Variants in LPP observed in about 807,000 individuals in gnomAD.
LPP encodes LIM domain containing preferred translocation partner in lipoma, also known as lipoma-preferred partner.
LPP carries 38 observed loss-of-function variants against 60.4 expected under a neutral mutation model. That is an observed-to-expected ratio of 0.63 (90% CI 0.49 to 0.83). The LOEUF (loss-of-function observed/expected upper bound fraction) is 0.83. Among genes scored for constraint, LPP ranks in the 40% least tolerant of loss-of-function variants. The probability of loss-of-function intolerance (pLI) is 0.00; values close to 1 mark genes in which losing one functional copy is unlikely to be tolerated. For missense variants in LPP, 902 were observed against 783.6 expected, an observed-to-expected ratio of 1.15 and a Z score of -1.80; for synonymous variants, 328 against 290.8, an observed-to-expected ratio of 1.13 and a Z score of -1.30.
At chr3:188,322,694 T>C (rs1416627646) in intron 2 of LPP, among the ~76,000 whole-genome samples, 1 of 152,214 alleles carries the variant, frequency 6.6e-6, no homozygotes, top group Non-Finnish European at 1.5e-5. Flanking sequence ...GGGAAAAGTA[T>C]TGGCCTTGGA....
intron 1 of LPP, among the ~76,000 whole-genome samples, chr3:188,213,645 CT>C (rs1470095477): frequency 3.3e-5 from 5 of 152,020 alleles, no homozygotes; most frequent in Non-Finnish European, 5.9e-5. Flanking sequence ...AGGCTCTTTT[CT>C]TTTCTTTTTG....
At chr3:188,343,484 C>G (rs555488147) in intron 3 of LPP, among the ~76,000 whole-genome samples, 83 of 152,272 alleles carry the variant, frequency 5.5e-4, no homozygotes, top group Middle Eastern at 3.4e-3. Context: ...TTTTTGACAG[C>G]TCTGTGAGGC....
In LPP at chr3:188,803,801, T is replaced by G. The variant is rs3915011; in HGVS notation, c.1410+43519T>G. 5.1e-3 allele frequency among the ~76,000 whole-genome samples: 779 copies of G among 152,292 alleles called. 23 individuals are homozygous for G. In the South Asian group the frequency reaches 0.053, roughly 10 times the overall value. ...TTTGGCTGTTCTAGTTAGTTCACCT[T>G]TGCATATAAATTTTAAAATTCGTTT... On this transcript the variant is annotated intron_variant, in intron 9 of 11. Transcript: ENST00000617246.
intron 6 of LPP, among the ~76,000 whole-genome samples, chr3:188,608,870 T>G (rs1219799644): frequency 2.0e-5 from 3 of 152,196 alleles, no homozygotes; most frequent in African/African-American, 7.2e-5. Context: ...GTTTTCAGTA[T>G]ATAATCTTTC....
chr3:188,204,116 G>A (rs902306800), intron 1 of LPP, among the ~76,000 whole-genome samples: 1 of 152,162 alleles, frequency 6.6e-6, no homozygotes, highest in Non-Finnish European at 1.5e-5. Context: ...CTTCCCCACT[G>A]TGCAGTAAAG....
chr3:188,337,513 G>C (rs568903709), intron 2 of LPP, among the ~76,000 whole-genome samples: 15 of 152,298 alleles, frequency 9.8e-5, no homozygotes, highest in South Asian at 6.2e-4. Context: ...GATCCCAAGT[G>C]GGTGATGGGT....
intron 9 of LPP, among the ~76,000 whole-genome samples, chr3:188,771,035 C>A (rs1735778756): frequency 6.6e-6 from 1 of 152,124 alleles, no homozygotes; most frequent in African/African-American, 2.4e-5. Flanking sequence ...CCAGATGGAT[C>A]TGCATTCATT....
At chr3:188,418,225 T>C (rs1199235664) in intron 4 of LPP, among the ~76,000 whole-genome samples, 1 of 152,194 alleles carries the variant, frequency 6.6e-6, no homozygotes, top group East Asian at 1.9e-4. Context: ...GACCAAATTT[T>C]AGTATCTTCC....
intron 2 of LPP, among the ~76,000 whole-genome samples, chr3:188,275,573 A>G (rs1036958207): frequency 6.6e-6 from 1 of 152,140 alleles, no homozygotes; most frequent in African/African-American, 2.4e-5. Flanking sequence ...GTGTTTTGCT[A>G]TTCTTCTTGG....
chr3:188,819,007 G>T (rs559342644), intron 9 of LPP, among the ~76,000 whole-genome samples: 16 of 148,860 alleles, frequency 1.1e-4, no homozygotes, highest in Admixed American at 9.5e-4. Context: ...TCTGTCTAAA[G>T]AGTTGCAACT....
At chr3:188,415,670 A>G (rs926564327) in intron 4 of LPP, among the ~76,000 whole-genome samples, 1 of 152,030 alleles carries the variant, frequency 6.6e-6, no homozygotes, top group African/African-American at 2.4e-5. Flanking sequence ...GCTTAATGAA[A>G]AAACTGTCTC....
chr3:188,592,574 T>A (rs1453731387), intron 6 of LPP, among the ~76,000 whole-genome samples: 1 of 146,522 alleles, frequency 6.8e-6, no homozygotes, highest in East Asian at 2.0e-4. Flanking sequence ...AAATGGAGTC[T>A]CACTCTTTCT....
intron 1 of LPP, among the ~76,000 whole-genome samples, chr3:188,210,020 G>A (rs1192287292): frequency 6.6e-6 from 1 of 151,294 alleles, no homozygotes; most frequent in Non-Finnish European, 1.5e-5. Context: ...TCAGCCCTCT[G>A]TATCCATGGT....
At chr3:188,370,021 C>T (rs985238895) in intron 3 of LPP, among the ~76,000 whole-genome samples, 8 of 152,106 alleles carry the variant, frequency 5.3e-5, no homozygotes, top group South Asian at 2.1e-4. Context: ...CTCCACCTTC[C>T]GGATTCAAGC....
At chr3:188,792,544 G>A (rs909197959) in intron 9 of LPP, among the ~76,000 whole-genome samples, 1 of 152,180 alleles carries the variant, frequency 6.6e-6, no homozygotes, top group African/African-American at 2.4e-5. Context: ...TCAGCTGGCA[G>A]GACCAGCTTC....
At chr3:188,646,699 A>G (rs1851164068) in intron 7 of LPP, among the ~76,000 whole-genome samples, 1 of 152,252 alleles carries the variant, frequency 6.6e-6, no homozygotes, top group Non-Finnish European at 1.5e-5. Context: ...ACCAGATCTT[A>G]AATGTTCCTT....
intron 5 of LPP, among the ~76,000 whole-genome samples, chr3:188,499,699 G>A (rs9823973): frequency 0.74 from 112,719 of 151,992 alleles, 42,603 homozygotes; most frequent in South Asian, 0.82. Flanking sequence ...CATATTGGTT[G>A]ATATTGACAT....
intron 4 of LPP, among the ~76,000 whole-genome samples, chr3:188,483,360 T>A (rs1259070946): frequency 6.6e-6 from 1 of 152,216 alleles, no homozygotes; most frequent in Non-Finnish European, 1.5e-5. Context: ...TAAACTGTGA[T>A]GTTTTGATAA....
intron 1 of LPP, among the ~76,000 whole-genome samples, chr3:188,181,353 A>T (rs1446386767): frequency 9.6e-5 from 2 of 20,886 alleles, no homozygotes; most frequent in African/African-American, 1.9e-4. Context: ...ATTCCGTCTC[A>T]AAAAAAAAAA....
Sources: allele counts gnomAD v4.1 joint callset (sites outside exome capture counted in the v4.1 genomes callset), GRCh38; gene constraint gnomAD v4.1.1; transcripts MANE v1.5; gene names NCBI Gene and HGNC (gene_info 2026-07-23, HGNC 2026-07-21).